Variants in PLXNA4 observed in about 807,000 individuals in gnomAD.
PLXNA4 encodes plexin-A4.
In PLXNA4, 44 loss-of-function variants were observed where a neutral mutation model predicts 191.8. The observed-to-expected ratio is 0.23, with a 90% CI of 0.18 to 0.29. The LOEUF is 0.29. PLXNA4 is among the 10% of genes least tolerant of loss of function. The probability of loss-of-function intolerance (pLI) is 1.00; values close to 1 mark genes in which losing one functional copy is unlikely to be tolerated. For missense variants in PLXNA4, 1,800 were observed against 2,488.8 expected, an observed-to-expected ratio of 0.72 and a Z score of 5.89; for synonymous variants, 1,082 against 1,009.5, an observed-to-expected ratio of 1.07 and a Z score of -1.36.
At chr7:132,339,344 C>T (rs1031381416) in intron 3 of PLXNA4, among the ~76,000 whole-genome samples, 5 of 152,180 alleles carry the variant, frequency 3.3e-5, no homozygotes, top group Non-Finnish European at 7.4e-5. Context: ...TGTTTCTTAC[C>T]ACACCAGGCC....
intron 4 of PLXNA4, among the ~76,000 whole-genome samples, chr7:132,276,695 T>C (rs1800294178): frequency 6.6e-6 from 1 of 152,252 alleles, no homozygotes; most frequent in South Asian, 2.1e-4. Flanking sequence ...TCCGTGCCAT[T>C]AACTCTACAT....
chr7:132,279,599 G>A (rs1046023689), intron 4 of PLXNA4, among the ~76,000 whole-genome samples: 26 of 152,024 alleles, frequency 1.7e-4, no homozygotes, highest in South Asian at 8.3e-4. Context: ...TCATACCATC[G>A]CACTCAGTCT....
chr7:132,165,302 T>C, intron 22 of PLXNA4, 102 bp from the exon 23 acceptor site: 1 of 1,465,110 alleles, frequency 6.8e-7, no homozygotes, highest in Non-Finnish European at 9.1e-7. Flanking sequence ...TGTGCATTGA[T>C]CTTGCTGCTT....
At chr7:132,132,506 TATTCTATTCTATTCTA>T (rs1563048618) in intron 31 of PLXNA4, among the ~76,000 whole-genome samples, 4 of 117,002 alleles carry the variant, frequency 3.4e-5, no homozygotes, top group African/African-American at 1.2e-4. Flanking sequence ...TTTTCTATTC[TATTCTATTCTATTCTA>T]TTCTATTCTA....
At chr7:132,356,710 T>C (rs1385946043) in intron 3 of PLXNA4, among the ~76,000 whole-genome samples, 1 of 152,214 alleles carries the variant, frequency 6.6e-6, no homozygotes, top group Non-Finnish European at 1.5e-5. Context: ...ATTGGTTCCC[T>C]CTATTAAGCA....
chr7:132,620,040 G>T (rs1445191047), intron 2 of PLXNA4, among the ~76,000 whole-genome samples: 1 of 152,224 alleles, frequency 6.6e-6, no homozygotes, highest in Non-Finnish European at 1.5e-5. Context: ...CTGACCTCAT[G>T]ATCAGGCTGC....
chr7:132,167,085 G>C (rs1334584533), intron 22 of PLXNA4, among the ~76,000 whole-genome samples: 1 of 152,214 alleles, frequency 6.6e-6, no homozygotes, highest in Non-Finnish European at 1.5e-5. Flanking sequence ...GGTCTAGGCA[G>C]AGGGCTGGAC....
intron 2 of PLXNA4, among the ~76,000 whole-genome samples, chr7:132,608,650 T>C (rs1802988448): frequency 6.6e-6 from 1 of 152,138 alleles, no homozygotes; most frequent in Admixed American, 6.5e-5. Flanking sequence ...AATCCGTTCC[T>C]TCTGCCACTG....
chr7:132,333,056 C>G (rs149580654), intron 3 of PLXNA4, among the ~76,000 whole-genome samples: 1 of 152,212 alleles, frequency 6.6e-6, no homozygotes, highest in Non-Finnish European at 1.5e-5. Context: ...TTTCATGACA[C>G]ATTAATGGGT....
chr7:132,574,426 G>A (rs1026670305), intron 1 of PLXNA4, among the ~76,000 whole-genome samples: 1 of 152,230 alleles, frequency 6.6e-6, no homozygotes, highest in Non-Finnish European at 1.5e-5. Flanking sequence ...CGCCCTCAAG[G>A]GGCATGTGGG....
chr7:132,287,032 C>T (rs916846327), intron 4 of PLXNA4, among the ~76,000 whole-genome samples: 2 of 152,174 alleles, frequency 1.3e-5, no homozygotes, highest in African/African-American at 2.4e-5. Flanking sequence ...CCCCTAACAA[C>T]GTTTTTGTTT....
At position 132,136,111 on chromosome 7, in the gene PLXNA4, C is replaced by T. The variant is rs1170569656; in HGVS notation, c.5439-2912G>A. On this transcript the variant is annotated intron_variant, in intron 30 of 31. Transcript: ENST00000321063. ...TGATGCTGTCTTGACCCCTCCTGCT[C>T]CCCCACTCCCACTCCCTAGCCAGCA... is the stretch of plus-strand genomic sequence containing the variant. Among the ~76,000 whole-genome samples the T allele has an allele frequency of 2.0e-5, 3 of 152,136 alleles. No individual in the cohort carries two copies. In the East Asian group the frequency reaches 5.8e-4, roughly 29 times the overall value.
intron 1 of PLXNA4, among the ~76,000 whole-genome samples, chr7:132,516,010 G>A (rs914530052): frequency 3.9e-5 from 6 of 152,154 alleles, no homozygotes; most frequent in Non-Finnish European, 8.8e-5. Flanking sequence ...TAGATGTTTG[G>A]AAACACGTGA....
chr7:132,437,526 C>A (rs1019856323), intron 3 of PLXNA4, among the ~76,000 whole-genome samples: 2 of 146,544 alleles, frequency 1.4e-5, no homozygotes, highest in African/African-American at 5.2e-5. Flanking sequence ...ATGTGAAGCT[C>A]GGGATCACAA....
intron 3 of PLXNA4, among the ~76,000 whole-genome samples, chr7:132,359,322 G>A (rs1423645525): frequency 1.3e-5 from 2 of 149,244 alleles, no homozygotes; most frequent in Admixed American, 6.8e-5. Context: ...TCAGAGTCAA[G>A]CAGTTCTCCT....
At position 132,179,801 on chromosome 7, in the gene PLXNA4, C is replaced by T. The variant is rs374028222; in HGVS notation, c.3760G>A (p.Val1254Met). The T allele has an allele frequency of 1.4e-5, 22 of 1,613,520 alleles. No individual in the cohort carries two copies. The highest frequency in any genetic ancestry group is 1.2e-4 in the African/African-American group (9 of 74,912). ...VAGGLLIIFI[V>M]AVLIAYKRKS... ...CGTTTATAGGCAATGAGCACGGCCA[C>T]GATGAAAATGATGAGGAGGCCGCCA... The change falls in exon 20 of 32, where the codon GTG becomes ATG. Residue 1254 changes from valine (V) to methionine (M), a missense_variant. Around this residue, in one of 6 missense-constraint regions of PLXNA4, gnomAD observed 1,397 missense variants for 1,880.4 expected, o/e 0.74. Transcript: ENST00000321063.
chr7:132,215,276 A>G (rs1316218321), intron 9 of PLXNA4, among the ~76,000 whole-genome samples: 1 of 152,224 alleles, frequency 6.6e-6, no homozygotes, highest in Non-Finnish European at 1.5e-5. Flanking sequence ...GTAAAGTTGC[A>G]TGCTCCATGT....
At chr7:132,540,569 C>CTT (rs71915138) in intron 1 of PLXNA4, among the ~76,000 whole-genome samples, 10,211 of 60,226 alleles carry the variant, frequency 0.17, 3,436 homozygotes, top group South Asian at 0.35. Flanking sequence ...GTGGACCGTT[C>CTT]TTTTTTTTTT....
chr7:132,560,103 C>A (rs544720239), intron 1 of PLXNA4, among the ~76,000 whole-genome samples: 1 of 152,186 alleles, frequency 6.6e-6, no homozygotes, highest in Non-Finnish European at 1.5e-5. Flanking sequence ...TGGGATTAGA[C>A]CAACAGGACA....
Sources: allele counts gnomAD v4.1 joint callset (sites outside exome capture counted in the v4.1 genomes callset), GRCh38; gene constraint gnomAD v4.1.1; regional missense constraint gnomAD v4.1.1; transcripts MANE v1.5; gene names NCBI Gene and HGNC (gene_info 2026-07-23, HGNC 2026-07-21).